PUDP: variants seen among roughly 807,000 people sequenced by gnomAD.
PUDP encodes the protein pseudouridine 5'-phosphatase, also known as pseudouridine-5'-phosphatase.
In PUDP, 8 loss-of-function variants were observed where a neutral mutation model predicts 9.4. The observed-to-expected ratio is 0.85, with a 90% confidence interval of 0.50 to 1.53. The LOEUF (loss-of-function observed/expected upper bound fraction) is 1.53. PUDP is among the 40% of genes most tolerant of loss of function. The pLI is 0.00. For missense variants in PUDP, 188 were observed against 189.7 expected (o/e 0.99, Z 0.05); for synonymous variants, 99 against 80.7 (o/e 1.23, Z -1.22).
At chrX:6,869,710 T>G (rs1368936370) in intron 3 of PUDP, among the ~76,000 whole-genome samples, 2 of 110,026 alleles carry the variant, frequency 1.8e-5, no homozygotes, top group African/African-American at 6.6e-5. Context: ...AGAGATATAC[T>G]ACACACCCAT....
At chrX:6,751,146 A>G (rs1409421805) in intron 3 of PUDP, among the ~76,000 whole-genome samples, 1 of 110,259 alleles carries the variant, frequency 9.1e-6, no homozygotes, top group Non-Finnish European at 1.9e-5. Flanking sequence ...CGTCTAAAAA[A>G]AAGGAAAGAA....
chrX:6,838,578 C>T (rs755785256), intron 3 of PUDP, among the ~76,000 whole-genome samples: 5 of 112,163 alleles, frequency 4.5e-5, no homozygotes, highest in African/African-American at 1.3e-4. Flanking sequence ...ATTACAGAAC[C>T]GCAGCATTCA....
chrX:7,119,379 T>C (rs370078423), intron 1 of PUDP, among the ~76,000 whole-genome samples: 1 of 112,859 alleles, frequency 8.9e-6, no homozygotes, highest in African/African-American at 3.2e-5. Flanking sequence ...GTTTCACCTT[T>C]ACAAATGAGC....
chrX:7,094,743 C>T (rs1931525507), intron 2 of PUDP, among the ~76,000 whole-genome samples: 1 of 111,811 alleles, frequency 8.9e-6, no homozygotes, highest in Non-Finnish European at 1.9e-5. Flanking sequence ...TTCTTCCTCC[C>T]TACGATCATA....
intron 1 of PUDP, among the ~76,000 whole-genome samples, chrX:7,014,105 C>G (rs756352571): frequency 1.8e-5 from 2 of 110,479 alleles, no homozygotes; most frequent in South Asian, 3.9e-4. Context: ...CTGACCACCC[C>G]CAGTTTAACT....
chrX:7,133,510 G>A (rs1315533810), intron 1 of PUDP, among the ~76,000 whole-genome samples: 6 of 112,262 alleles, frequency 5.3e-5, no homozygotes, highest in Admixed American at 3.8e-4. Flanking sequence ...GGCAATTTAA[G>A]AAAAGGGTGC....
intron 1 of PUDP, among the ~76,000 whole-genome samples, chrX:7,000,511 T>C (rs1929310459): frequency 9.1e-6 from 1 of 110,333 alleles, no homozygotes; most frequent in Non-Finnish European, 1.9e-5. Flanking sequence ...CTAGTTAACT[T>C]TAGTAATCAA....
chrX:6,742,629 C>CAAA (rs1287919905), intron 3 of PUDP, among the ~76,000 whole-genome samples: 1 of 111,539 alleles, frequency 9.0e-6, no homozygotes, highest in Non-Finnish European at 1.9e-5. Context: ...ATTAGCCGGG[C>CAAA]AGTTGTGGTG....
chrX:7,020,246 C>T (rs1053300024), intron 1 of PUDP, among the ~76,000 whole-genome samples: 5 of 110,563 alleles, frequency 4.5e-5, no homozygotes, highest in African/African-American at 1.6e-4. Flanking sequence ...GGAAATAAGG[C>T]TTTCTTTAAA....
At chrX:7,075,491 C>T (rs1021876370) in intron 3 of PUDP, among the ~76,000 whole-genome samples, 2 of 103,463 alleles carry the variant, frequency 1.9e-5, no homozygotes, top group Non-Finnish European at 4.0e-5. Flanking sequence ...GGCAACAGAA[C>T]GAGACTCCAT....
intron 3 of PUDP, among the ~76,000 whole-genome samples, chrX:7,072,957 C>T (rs1602750060): frequency 9.0e-6 from 1 of 111,602 alleles, no homozygotes; most frequent in African/African-American, 3.3e-5. Flanking sequence ...AACAGAGAGC[C>T]CTGGGGTGCC....
intron 3 of PUDP, among the ~76,000 whole-genome samples, chrX:6,862,008 T>C (rs997895147): frequency 1.8e-5 from 2 of 111,767 alleles, no homozygotes; most frequent in Non-Finnish European, 3.8e-5. Context: ...CAGCTTGCTG[T>C]GAACCCTCTA....
At chrX:6,895,298 T>G (rs1927573400) in intron 3 of PUDP, among the ~76,000 whole-genome samples, 1 of 106,871 alleles carries the variant, frequency 9.4e-6, no homozygotes, top group African/African-American at 3.3e-5. Flanking sequence ...TTAACAAATG[T>G]AATACATTTA....
chrX:6,882,940 G>A (rs1927370359), intron 3 of PUDP, among the ~76,000 whole-genome samples: 1 of 111,573 alleles, frequency 9.0e-6, no homozygotes, highest in Non-Finnish European at 1.9e-5. Context: ...ATTTCATCCT[G>A]TGGACAGAGG....
At chrX:6,930,294 G>A (rs935431950) in intron 3 of PUDP, among the ~76,000 whole-genome samples, 1 of 111,452 alleles carries the variant, frequency 9.0e-6, no homozygotes, top group African/African-American at 3.3e-5. Context: ...AGCAGGACTG[G>A]TGTCACCAGA....
intron 2 of PUDP, among the ~76,000 whole-genome samples, chrX:7,102,327 A>C (rs1931760705): frequency 9.1e-6 from 1 of 109,790 alleles, no homozygotes; most frequent in East Asian, 2.8e-4. Flanking sequence ...CAAAAAAAAA[A>C]AAAAAAACAA....
chrX:7,037,615 C>T (rs1275047366), intron 1 of PUDP, among the ~76,000 whole-genome samples: 2 of 112,322 alleles, frequency 1.8e-5, no homozygotes, highest in Non-Finnish European at 3.8e-5. Flanking sequence ...GGCTATCTTC[C>T]TGCATCTACT....
chrX:7,095,240 A>G (rs766563458), intron 2 of PUDP, among the ~76,000 whole-genome samples: 14 of 112,309 alleles, frequency 1.2e-4, no homozygotes, highest in South Asian at 7.5e-4. Flanking sequence ...CTCCATAATC[A>G]GAGGCTGCAA....
chrX:6,876,842 T>C (rs1271216115), intron 3 of PUDP, among the ~76,000 whole-genome samples: 1 of 109,981 alleles, frequency 9.1e-6, no homozygotes, highest in African/African-American at 3.4e-5. Flanking sequence ...TAGACATATA[T>C]ACATATAGAC....
Sources: gnomAD v4.1 joint callset for allele counts (sites outside exome capture counted in the v4.1 genomes callset) on GRCh38, gnomAD v4.1.1 for gene constraint, MANE v1.5 for transcripts, NCBI Gene and HGNC (gene_info 2026-07-23, HGNC 2026-07-21) for gene names.